SGCD: variants seen among roughly 807,000 people sequenced by gnomAD.
SGCD encodes sarcoglycan delta.
In SGCD, 18 loss-of-function variants were observed where a neutral mutation model predicts 36.6. The observed-to-expected ratio is 0.49, with a 90% CI of 0.34 to 0.73. The LOEUF (loss-of-function observed/expected upper bound fraction) is 0.73, where lower values mean the gene tolerates loss of function less well. Among genes scored for constraint, SGCD ranks in the 30% least tolerant of loss-of-function variants. SGCD has a pLI of 0.01. For missense variants in SGCD, 387 were observed against 346.7 expected (o/e 1.12, Z -0.92); for synonymous variants, 133 against 130.6 (o/e 1.02, Z -0.12).
chr5:156,521,934 T>C (rs375977094), intron 4 of SGCD, among the ~76,000 whole-genome samples: 1 of 152,152 alleles, frequency 6.6e-6, no homozygotes, highest in South Asian at 2.1e-4. Flanking sequence ...AGCAAAGACA[T>C]GGAATCAACC....
intron 3 of SGCD, among the ~76,000 whole-genome samples, chr5:156,274,395 G>A (rs1766262966): frequency 1.3e-5 from 2 of 151,882 alleles, no homozygotes; most frequent in South Asian, 2.1e-4. Context: ...TCCAACTCTC[G>A]TAGGTGTATC....
In SGCD at chr5:156,668,359, G is replaced by A. The variant is rs77711456; in HGVS notation, c.575+20823G>A. ...CCTTCCCCTTTTCCCTATTAGTATC[G>A]TACTATAGTTTGAATTTAACTACAT... On this transcript the variant is annotated intron_variant, in intron 7 of 8. Transcript: ENST00000337851. Among the ~76,000 whole-genome samples, 191 of 151,366 alleles carry A rather than the reference G, an allele frequency of 1.3e-3. 1 individual carries two copies. Among genetic ancestry groups the A allele is most frequent in the African/African-American group, 4.2e-3 (172 of 41,128 alleles).
rs6881353 is a variant in SGCD at position 156,406,036 on chromosome 5, G to A, written c.192+61359G>A. ...CTTTGCTTAAAAAAAAAAAAAAAAGGCCTCTGGGCATAAATCCCTCTTTCA... is the reference window on the plus strand; with the variant it reads ...CTTTGCTTAAAAAAAAAAAAAAAAGACCTCTGGGCATAAATCCCTCTTTCA... On this transcript the variant is annotated intron_variant, in intron 3 of 8. Coordinates refer to ENST00000337851, the MANE Select transcript of SGCD (RefSeq NM_000337.6). Among the ~76,000 whole-genome samples the A allele has an allele frequency of 4.2e-4, 57 of 136,626 alleles. 1 individual carries two copies. Among genetic ancestry groups the A allele is most frequent in the African/African-American group, 1.3e-3 (48 of 36,074 alleles). The allele number at this position is 136,626 out of a possible 152,430, so 89.6% of individuals were successfully genotyped here.
chr5:156,192,468 G>T (rs972355672), intron 3 of SGCD, among the ~76,000 whole-genome samples: 1 of 152,116 alleles, frequency 6.6e-6, no homozygotes, highest in South Asian at 2.1e-4. Flanking sequence ...CAAAGGCTGG[G>T]AAGTGTATGG....
chr5:156,694,404 G>T (rs949759565), intron 7 of SGCD, among the ~76,000 whole-genome samples: 1 of 152,116 alleles, frequency 6.6e-6, no homozygotes, highest in Non-Finnish European at 1.5e-5. Context: ...TAGCCAACTC[G>T]ATTATTCTGG....
intron 4 of SGCD, among the ~76,000 whole-genome samples, chr5:156,557,567 G>A (rs1212718196): frequency 3.9e-5 from 6 of 152,138 alleles, no homozygotes; most frequent in Non-Finnish European, 2.9e-5. Flanking sequence ...TGTATTGTCT[G>A]TGATTGCTTT....
the SGCD span, among the ~76,000 whole-genome samples, chr5:155,825,961 G>T: frequency 1.3e-5 from 2 of 152,112 alleles, no homozygotes; most frequent in African/African-American, 4.8e-5. Context: ...TGTTGGCCAG[G>T]CTGGTCTCGA....
intron 6 of SGCD, among the ~76,000 whole-genome samples, chr5:156,604,317 T>C (rs1453253494): frequency 1.3e-5 from 2 of 152,016 alleles, no homozygotes; most frequent in Non-Finnish European, 2.9e-5. Context: ...CAGAATATAA[T>C]GGGGTCTTGT....
intron 3 of SGCD, among the ~76,000 whole-genome samples, chr5:156,247,698 T>C (rs1765473563): frequency 6.6e-6 from 1 of 152,224 alleles, no homozygotes; most frequent in Non-Finnish European, 1.5e-5. Flanking sequence ...TCAATACAAA[T>C]ACACAACGGA....
At chr5:156,144,007 G>A (rs1352714323) in intron 3 of SGCD, among the ~76,000 whole-genome samples, 1 of 150,178 alleles carries the variant, frequency 6.7e-6, no homozygotes, top group Non-Finnish European at 1.5e-5. Context: ...TTTTCCTTGC[G>A]ATAGTTTGCT....
chr5:156,360,287 AC>A (rs1046850758), intron 3 of SGCD, among the ~76,000 whole-genome samples: 1 of 144,430 alleles, frequency 6.9e-6, no homozygotes, highest in Non-Finnish European at 1.5e-5. Context: ...TGCTCTTGTC[AC>A]CCAGGCTGGA....
intron 1 of SGCD, among the ~76,000 whole-genome samples, chr5:155,913,049 T>C (rs986744354): frequency 2.6e-5 from 4 of 152,182 alleles, no homozygotes; most frequent in African/African-American, 9.6e-5. Flanking sequence ...AGTGGTGATA[T>C]TGTCAATGTC....
intron 7 of SGCD, among the ~76,000 whole-genome samples, chr5:156,713,458 A>G (rs1189382538): frequency 1.3e-5 from 2 of 151,854 alleles, no homozygotes; most frequent in African/African-American, 2.4e-5. Context: ...CTGGGAGTGA[A>G]GGGGTCCTGT....
chr5:155,734,638 A>G, the SGCD span, among the ~76,000 whole-genome samples: 1 of 152,208 alleles, frequency 6.6e-6, no homozygotes, highest in African/African-American at 2.4e-5. Context: ...TATGAAACAC[A>G]TTCTGGTTTG....
intron 1 of SGCD, among the ~76,000 whole-genome samples, chr5:155,904,391 A>T (rs557570851): frequency 6.6e-6 from 1 of 152,236 alleles, no homozygotes; most frequent in Non-Finnish European, 1.5e-5. Flanking sequence ...CCATTTAAAC[A>T]TATATGATCC....
At chr5:156,351,848 G>T (rs1769276239) in intron 3 of SGCD, among the ~76,000 whole-genome samples, 2 of 152,184 alleles carry the variant, frequency 1.3e-5, no homozygotes, top group Non-Finnish European at 2.9e-5. Context: ...ATGGATCCTG[G>T]TCTGTTGGCT....
At chr5:155,845,437 G>A in the SGCD span, 1 of 152,384 alleles carries the variant, frequency 6.6e-6, no homozygotes, top group East Asian at 1.9e-4. Flanking sequence ...ACAAATTACT[G>A]TCTACGGCCA....
chr5:155,763,705 T>C, the SGCD span, among the ~76,000 whole-genome samples: 4 of 152,182 alleles, frequency 2.6e-5, no homozygotes, highest in African/African-American at 7.2e-5. Flanking sequence ...TGTGTTGATA[T>C]TGGAATTTCT....
chr5:155,818,595 C>T, the SGCD span, among the ~76,000 whole-genome samples: 102 of 152,254 alleles, frequency 6.7e-4, no homozygotes, highest in African/African-American at 2.4e-3. Context: ...ATCATGGCTC[C>T]CTGCAGCCTC....
Sources: gnomAD v4.1 joint callset for allele counts (sites outside exome capture counted in the v4.1 genomes callset) on GRCh38, gnomAD v4.1.1 for gene constraint, MANE v1.5 for transcripts, NCBI Gene and HGNC (gene_info 2026-07-23, HGNC 2026-07-21) for gene names.